P2RY14: variants seen among roughly 807,000 people sequenced by gnomAD.
P2RY14 encodes P2Y purinoceptor 14.
A neutral mutation model predicts 0.9 loss-of-function variants in P2RY14; 2 were observed. That is an observed-to-expected ratio of 2.16 (90% confidence interval 0.88 to 6.79). The LOEUF is 6.79. Among genes scored for constraint, P2RY14 ranks in the 30% most tolerant of loss-of-function variants. The pLI is 0.05. For missense variants in P2RY14, 378 were observed against 400.1 expected (o/e 0.94, Z 0.47); for synonymous variants, 158 against 147.2 (o/e 1.07, Z -0.53).
intron 1 of P2RY14, among the ~76,000 whole-genome samples, chr3:151,244,913 C>A (rs965042388): frequency 2.6e-5 from 4 of 151,850 alleles, no homozygotes; most frequent in South Asian, 4.2e-4. Context: ...TCTAATAGAC[C>A]CAATAAAAAA....
chr3:151,232,003 C>T (rs1398210338), intron 1 of P2RY14, among the ~76,000 whole-genome samples: 1 of 152,116 alleles, frequency 6.6e-6, no homozygotes. Flanking sequence ...CATGTATACA[C>T]ACACGTGTGT....
intron 1 of P2RY14, among the ~76,000 whole-genome samples, chr3:151,259,811 C>T (rs923765978): frequency 4.6e-5 from 7 of 152,102 alleles, no homozygotes; most frequent in Non-Finnish European, 8.8e-5. Context: ...AGTTCTTGCC[C>T]CAGTGCATTC....
rs112843437 is a variant in P2RY14 at position 151,227,126 on chromosome 3, T to C, written c.-132-7484A>G. Among the ~76,000 whole-genome samples, 585 of 152,344 alleles carry C rather than the reference T, an allele frequency of 3.8e-3. 2 individuals carry two copies. Among genetic ancestry groups the C allele is most frequent in the Non-Finnish European group, 5.8e-3 (396 of 68,040 alleles). ...CCATCGACTTTACCTTCAGTTAGAATCCAGGTCAGTGACCAACATGTGTTA... is the reference window on the plus strand; with the variant it reads ...CCATCGACTTTACCTTCAGTTAGAACCCAGGTCAGTGACCAACATGTGTTA... On this transcript the variant is annotated intron_variant, in intron 1 of 2. Transcript: ENST00000309170.
At chr3:151,241,675 A>T (rs1251345069) in intron 1 of P2RY14, 1 of 152,196 alleles carries the variant, frequency 6.6e-6, no homozygotes, top group Non-Finnish European at 1.5e-5. Flanking sequence ...ACACATATAT[A>T]CACATACACA....
intron 1 of P2RY14, among the ~76,000 whole-genome samples, chr3:151,255,155 G>A (rs1737585650): frequency 6.6e-6 from 1 of 152,186 alleles, no homozygotes; most frequent in Non-Finnish European, 1.5e-5. Context: ...TGGAATTGAT[G>A]AAGCTGTTGG....
At chr3:151,229,409 C>T (rs368271139) in intron 1 of P2RY14, among the ~76,000 whole-genome samples, 15 of 148,644 alleles carry the variant, frequency 1.0e-4, no homozygotes, top group East Asian at 4.0e-4. Flanking sequence ...CGGGTTCAAG[C>T]GATTCTCCTG....
In P2RY14 at chr3:151,237,045, CTTTTTTTTTTT is replaced by C. The variant is rs56926535; in HGVS notation, c.-132-17414_-132-17404del. Reference sequence around the variant, plus strand: ...TTAAACTTCAGGAAGTGATGCCAAACTTTTTTTTTTTTTTTTTTTTTGAGACGGAATCTCGC... The same window carrying C: ...TTAAACTTCAGGAAGTGATGCCAAACTTTTTTTTTTGAGACGGAATCTCGC... On this transcript the variant is annotated intron_variant, in intron 1 of 2. Transcript: ENST00000309170. Among the ~76,000 whole-genome samples the C allele has an allele frequency of 2.4e-5, 3 of 125,890 alleles. No individual in the cohort carries two copies. In the South Asian group the frequency reaches 7.7e-4, roughly 32 times the overall value. 82.6% of individuals were successfully genotyped at this position (125,890 alleles called of 152,430 possible). A position where few individuals can be genotyped will look rare whatever the true frequency, so the allele number is the denominator to read the frequency against.
chr3:151,214,207 A>C lies in P2RY14; in HGVS notation c.110T>G (p.Ile37Ser), dbSNP rs756252088. The C allele has an allele frequency of 1.2e-5, 19 of 1,613,800 alleles. No individual in the cohort carries two copies. The South Asian group carries it at 2.0e-4, about 17-fold the overall frequency. Reference protein sequence around the residue: ...VLYCMVFIAGILLNGVSGWIF... With the variant: ...VLYCMVFIAGSLLNGVSGWIF... ...CCATCCTGACACTCCATTGAGTAGG[A>C]TTCCTGCAATGAAGACCATACAGTA... is the stretch of plus-strand genomic sequence containing the variant. The change falls in exon 3 of 3, where the codon ATC (isoleucine) becomes AGC (serine). Residue 37 changes from isoleucine to serine, a missense_variant. Coordinates refer to ENST00000309170, the MANE Select transcript of P2RY14 (RefSeq NM_014879.4).
intron 1 of P2RY14, among the ~76,000 whole-genome samples, chr3:151,247,550 G>A (rs1295796253): frequency 2.7e-5 from 4 of 147,934 alleles, no homozygotes; most frequent in Admixed American, 2.1e-4. Context: ...CTCATAGGTG[G>A]GAATTGAACA....
chr3:151,261,138 T>C (rs1159153151), intron 1 of P2RY14, among the ~76,000 whole-genome samples: 1 of 151,994 alleles, frequency 6.6e-6, no homozygotes, highest in African/African-American at 2.4e-5. Flanking sequence ...TAAGAGGGGG[T>C]GCAATTTTAT....
chr3:151,215,590 G>C (rs1345962988), intron 2 of P2RY14, among the ~76,000 whole-genome samples: 1 of 152,192 alleles, frequency 6.6e-6, no homozygotes, highest in Non-Finnish European at 1.5e-5. Flanking sequence ...TAGGAATCCT[G>C]TATATTCTTC....
chr3:151,235,157 A>T (rs1732475841), intron 1 of P2RY14, among the ~76,000 whole-genome samples: 1 of 152,198 alleles, frequency 6.6e-6, no homozygotes, highest in South Asian at 2.1e-4. Flanking sequence ...AATTCAAAAT[A>T]AAAAGTAAAA....
chr3:151,259,834 GT>G (rs1266017295), intron 1 of P2RY14, among the ~76,000 whole-genome samples: 30 of 152,224 alleles, frequency 2.0e-4, no homozygotes, highest in Admixed American at 2.0e-3. Flanking sequence ...TTTTCACTCT[GT>G]TTATTCTATT....
chr3:151,259,078 A>G lies in P2RY14; in HGVS notation c.-133+19209T>C, dbSNP rs185861925. Reference sequence around the variant, plus strand: ...TTTTTAAACGCATTTGGGAAATGACATACTTTAAATATACTGGAATAAGGA... The same window carrying G: ...TTTTTAAACGCATTTGGGAAATGACGTACTTTAAATATACTGGAATAAGGA... On this transcript the variant is annotated intron_variant, in intron 1 of 2. Coordinates refer to ENST00000309170, the MANE Select transcript of P2RY14 (RefSeq NM_014879.4). Among the ~76,000 whole-genome samples, 37 of 152,350 alleles carry G rather than the reference A, an allele frequency of 2.4e-4. No individual in the cohort carries two copies. The East Asian group carries it at 6.2e-3, about 25-fold the overall frequency.
Position 151,224,438 on chromosome 3 carries a change from G to GT in P2RY14, c.-132-4797dup, listed in dbSNP as rs1457260175. On this transcript the variant is annotated intron_variant, in intron 1 of 2. Coordinates refer to ENST00000309170, the MANE Select transcript of P2RY14 (RefSeq NM_014879.4). ...CTGCTTTAATCTCTCATGCCTTAAT[G>GT]TTTAACACTTTTTTTTTTTTTGGTG... Among the ~76,000 whole-genome samples the GT allele has an allele frequency of 2.0e-4, 30 of 147,348 alleles. No homozygotes were observed. The South Asian group carries it at 4.4e-3, about 22-fold the overall frequency.
intron 2 of P2RY14, among the ~76,000 whole-genome samples, chr3:151,214,919 AAG>A (rs1419347597): frequency 6.6e-6 from 1 of 152,160 alleles, no homozygotes; most frequent in Non-Finnish European, 1.5e-5. Flanking sequence ...TTTTTCCTAA[AAG>A]AGAAATTTTT....
chr3:151,215,426 C>G (rs1165336866), intron 2 of P2RY14, among the ~76,000 whole-genome samples: 1 of 151,694 alleles, frequency 6.6e-6, no homozygotes, highest in Non-Finnish European at 1.5e-5. Flanking sequence ...TCTACAAATG[C>G]TCTATTAAAT....
intron 1 of P2RY14, among the ~76,000 whole-genome samples, chr3:151,268,257 A>T (rs1156421902): frequency 6.6e-6 from 1 of 151,010 alleles, no homozygotes; most frequent in Non-Finnish European, 1.5e-5. Context: ...TATTACTTAT[A>T]TATATATATA....
chr3:151,264,766 C>CGTGTGTGT, intron 1 of P2RY14, among the ~76,000 whole-genome samples: 1 of 152,106 alleles, frequency 6.6e-6, no homozygotes. Flanking sequence ...CCACCCAGTG[C>CGTGTGTGT]GTGTGTGTGT....
Sources: allele counts gnomAD v4.1 joint callset (sites outside exome capture counted in the v4.1 genomes callset), GRCh38; gene constraint gnomAD v4.1.1; transcripts MANE v1.5; gene names NCBI Gene and HGNC (gene_info 2026-07-23, HGNC 2026-07-21).